The following RABGAP1L variants were observed in gnomAD, a reference collection of about 807,000 sequenced individuals.
The protein encoded by RABGAP1L is rab GTPase-activating protein 1-like.
RABGAP1L carries 63 observed loss-of-function variants against 137.7 expected under a neutral mutation model. The observed-to-expected ratio is 0.46, with a 90% CI of 0.37 to 0.56. The LOEUF is 0.56. Among genes scored for constraint, RABGAP1L ranks in the 20% least tolerant of loss-of-function variants. RABGAP1L has a pLI of 0.00. For missense variants in RABGAP1L, 1,095 were observed against 1,244.0 expected (o/e 0.88, Z 1.80); for synonymous variants, 431 against 433.7 (o/e 0.99, Z 0.08).
chr1:174,785,126 G>C (rs190504975), intron 18 of RABGAP1L, among the ~76,000 whole-genome samples: 8 of 152,224 alleles, frequency 5.3e-5, no homozygotes, highest in African/African-American at 1.9e-4. Context: ...GTACAATGGC[G>C]CAATCTCGGC....
In RABGAP1L at chr1:174,413,774, G is replaced by A. The variant is rs539135909; in HGVS notation, c.1710+19629G>A. On this transcript the variant is annotated intron_variant, in intron 13 of 25. Coordinates refer to ENST00000681986, the MANE Select transcript of RABGAP1L (RefSeq NM_001366446.1). ...CTTTGGGCAAGTTTTATATTGGGCT[G>A]TGCAATTTAATGTACAAGCCAGTAG... Among the ~76,000 whole-genome samples the A allele has an allele frequency of 2.0e-5, 3 of 152,224 alleles. No individual in the cohort carries two copies. The South Asian group carries it at 6.2e-4, about 32-fold the overall frequency.
chr1:174,587,817 A>C (rs1365232969), intron 13 of RABGAP1L, among the ~76,000 whole-genome samples: 1 of 152,082 alleles, frequency 6.6e-6, no homozygotes, highest in African/African-American at 2.4e-5. Context: ...TCAAGCATTT[A>C]TTTCTTTGTG....
At chr1:174,417,973 T>A (rs1650801363) in intron 13 of RABGAP1L, among the ~76,000 whole-genome samples, 1 of 152,238 alleles carries the variant, frequency 6.6e-6, no homozygotes. Context: ...AATTTTTTTA[T>A]ATTGTGATAA....
At chr1:174,303,527 G>C (rs951879468) in intron 10 of RABGAP1L, among the ~76,000 whole-genome samples, 1 of 152,064 alleles carries the variant, frequency 6.6e-6, no homozygotes, top group African/African-American at 2.4e-5. Flanking sequence ...CTTAGCCAAC[G>C]CACATTTATT....
chr1:174,586,910 A>G (rs1050824934), intron 13 of RABGAP1L, among the ~76,000 whole-genome samples: 2 of 152,094 alleles, frequency 1.3e-5, no homozygotes, highest in East Asian at 1.9e-4. Flanking sequence ...GATCTGTTTT[A>G]AAAAGTACAA....
At chr1:174,475,596 C>A (rs979822683) in intron 13 of RABGAP1L, among the ~76,000 whole-genome samples, 1 of 151,570 alleles carries the variant, frequency 6.6e-6, no homozygotes. Flanking sequence ...GGATGCCAAG[C>A]AAGGATTTAT....
chr1:174,303,996 C>T (rs1342877431), intron 10 of RABGAP1L, among the ~76,000 whole-genome samples: 1 of 152,086 alleles, frequency 6.6e-6, no homozygotes, highest in Non-Finnish European at 1.5e-5. Flanking sequence ...CTTTCTCCAT[C>T]TCAGGGGGAA....
At chr1:174,662,303 C>T (rs750180402) in intron 14 of RABGAP1L, among the ~76,000 whole-genome samples, 3 of 152,056 alleles carry the variant, frequency 2.0e-5, no homozygotes, top group African/African-American at 4.8e-5. Flanking sequence ...GGGGTTTCAC[C>T]ATGTTAGTCA....
intron 13 of RABGAP1L, among the ~76,000 whole-genome samples, chr1:174,516,321 C>T (rs1350643410): frequency 6.6e-6 from 1 of 152,058 alleles, no homozygotes; most frequent in Admixed American, 6.6e-5. Flanking sequence ...TACATCTATA[C>T]ATGTAATTTC....
rs375016897 is a variant in RABGAP1L at position 174,283,288 on chromosome 1, C to G, written c.1323+4509C>G. ...AAGCGTGGTGGTGTGCACCTGTGGTCCCAGCTTCTCAGGAGGCTGAGGTGG... is the reference window on the plus strand; with the variant it reads ...AAGCGTGGTGGTGTGCACCTGTGGTGCCAGCTTCTCAGGAGGCTGAGGTGG... On this transcript the variant is annotated intron_variant, in intron 10 of 25. Transcript: ENST00000681986. 5.9e-5 allele frequency among the ~76,000 whole-genome samples: 9 copies of G among 151,338 alleles called. No individual in the cohort carries two copies. The South Asian group carries it at 1.1e-3, about 18-fold the overall frequency.
chr1:174,640,971 TATTA>T (rs1053167858), intron 14 of RABGAP1L, among the ~76,000 whole-genome samples: 10 of 101,230 alleles, frequency 9.9e-5, no homozygotes, highest in East Asian at 5.3e-4. Flanking sequence ...TATTTAATTA[TATTA>T]ATTAAATATA....
At chr1:174,669,682 T>C (rs1677040260) in intron 14 of RABGAP1L, among the ~76,000 whole-genome samples, 1 of 152,194 alleles carries the variant, frequency 6.6e-6, no homozygotes, top group South Asian at 2.1e-4. Flanking sequence ...GGTCTAGCTT[T>C]ATTATTCTGC....
At chr1:174,608,695 G>C (rs1021869766) in intron 13 of RABGAP1L, among the ~76,000 whole-genome samples, 3 of 152,004 alleles carry the variant, frequency 2.0e-5, no homozygotes, top group Admixed American at 2.0e-4. Context: ...TTTTCTATTT[G>C]AGGGTAACGG....
chr1:174,694,900 T>C (rs980643408), intron 15 of RABGAP1L, among the ~76,000 whole-genome samples: 29 of 151,918 alleles, frequency 1.9e-4, no homozygotes, highest in Admixed American at 1.6e-3. Flanking sequence ...TTCTAACTGG[T>C]GTGAGATGGT....
intron 13 of RABGAP1L, among the ~76,000 whole-genome samples, chr1:174,508,111 A>C (rs983302978): frequency 6.6e-6 from 1 of 152,128 alleles, no homozygotes; most frequent in Non-Finnish European, 1.5e-5. Flanking sequence ...ATTTCGCATA[A>C]TGTGTATGAT....
At chr1:174,983,672 T>C (rs1671326619) in intron 24 of RABGAP1L, among the ~76,000 whole-genome samples, 1 of 152,202 alleles carries the variant, frequency 6.6e-6, no homozygotes, top group African/African-American at 2.4e-5. Flanking sequence ...TTGTGTTCTA[T>C]AAAATGGAGA....
intron 19 of RABGAP1L, among the ~76,000 whole-genome samples, chr1:174,842,435 A>G (rs1388494590): frequency 1.3e-5 from 2 of 152,180 alleles, no homozygotes; most frequent in African/African-American, 4.8e-5. Flanking sequence ...AAACTACAGA[A>G]CCATAGATCA....
intron 11 of RABGAP1L, among the ~76,000 whole-genome samples, chr1:174,342,084 C>T (rs1173170006): frequency 6.6e-6 from 1 of 152,012 alleles, no homozygotes; most frequent in African/African-American, 2.4e-5. Context: ...AAAAGATTGT[C>T]TAGATGCAGC....
intron 17 of RABGAP1L, among the ~76,000 whole-genome samples, chr1:174,750,678 G>A (rs1684277615): frequency 6.6e-6 from 1 of 152,288 alleles, no homozygotes; most frequent in East Asian, 1.9e-4. Flanking sequence ...TTAGGATAAA[G>A]GACCAGAGCA....
Sources: gnomAD v4.1 joint callset for allele counts (sites outside exome capture counted in the v4.1 genomes callset) on GRCh38, gnomAD v4.1.1 for gene constraint, MANE v1.5 for transcripts, NCBI Gene and HGNC (gene_info 2026-07-23, HGNC 2026-07-21) for gene names.